The following ERO1A variants were observed in gnomAD, a reference collection of about 807,000 sequenced individuals.
The protein encoded by ERO1A is ERO1-like protein alpha.
ERO1A carries 49 observed loss-of-function variants against 76.9 expected under a neutral mutation model. That is an observed-to-expected ratio of 0.64 (90% CI 0.51 to 0.81). ERO1A has a LOEUF of 0.81. Ranked by LOEUF, ERO1A falls within the 30% of genes least tolerant of loss-of-function variation. The pLI, the probability that ERO1A is intolerant of heterozygous loss-of-function variation, is 0.00. For synonymous variants in ERO1A, 174 were observed against 181.2 expected (o/e 0.96, Z 0.32); for missense variants, 448 against 542.1 (o/e 0.83, Z 1.72).
intron 1 of ERO1A, among the ~76,000 whole-genome samples, chr14:52,690,472 G>A (rs1276047562): frequency 1.3e-5 from 2 of 152,182 alleles, no homozygotes; most frequent in African/African-American, 4.8e-5. Context: ...CGGGCACAGT[G>A]GCTCATGTCT....
At chr14:52,650,936 G>A (rs927567640) in intron 13 of ERO1A, among the ~76,000 whole-genome samples, 2 of 152,176 alleles carry the variant, frequency 1.3e-5, no homozygotes, top group Non-Finnish European at 2.9e-5. Flanking sequence ...TTCCCCAGCT[G>A]CACGCTGGTA....
At chr14:52,666,803 C>A (rs577900579) in intron 6 of ERO1A, among the ~76,000 whole-genome samples, 1 of 152,122 alleles carries the variant, frequency 6.6e-6, no homozygotes, top group Non-Finnish European at 1.5e-5. Flanking sequence ...TGGTGGTGCA[C>A]GCCTGTAGTC....
intron 13 of ERO1A, among the ~76,000 whole-genome samples, chr14:52,650,631 G>C (rs1262889086): frequency 6.6e-6 from 1 of 152,056 alleles, no homozygotes; most frequent in East Asian, 1.9e-4. Context: ...AAACCCAGTA[G>C]TATGGAGGTC....
intron 6 of ERO1A, among the ~76,000 whole-genome samples, chr14:52,666,838 G>T (rs1566640677): frequency 6.6e-6 from 1 of 152,184 alleles, no homozygotes; most frequent in African/African-American, 2.4e-5. Flanking sequence ...GGCTGCAACA[G>T]GAGAATCACT....
intron 11 of ERO1A, among the ~76,000 whole-genome samples, chr14:52,655,864 T>C (rs887105342): frequency 6.6e-6 from 1 of 152,182 alleles, no homozygotes; most frequent in African/African-American, 2.4e-5. Context: ...GCCCTTTCAG[T>C]GGCTTTCATA....
rs1201132804 is a variant in ERO1A at position 52,671,630 on chromosome 14, C to T, written c.508G>A (p.Asp170Asn). ...DSSDNFCEAD[D>N]IQSPEAEYVD... The stretch of plus-strand genomic sequence containing the variant: ...ATGCATACTATCAAAAATATTATAC[C>T]ATCAGCTTCACAGAAGTTATCTGAA... The change falls in exon 6 of 16, where the codon GAC (aspartate) becomes AAC (asparagine). Residue 170 changes from aspartate to asparagine, a missense_variant and splice_region_variant. Physicochemically the swap from Asp to Asn is conservative, Grantham distance 23. Transcript: ENST00000395686. 6.3e-7 allele frequency: 1 copy of T among 1,597,042 alleles called. No individual in the cohort carries two copies. Among genetic ancestry groups the T allele is most frequent in the South Asian group, 1.1e-5 (1 of 88,222 alleles).
chr14:52,644,325 G>A (rs1455616319), intron 15 of ERO1A, among the ~76,000 whole-genome samples: 1 of 152,102 alleles, frequency 6.6e-6, no homozygotes, highest in Admixed American at 6.6e-5. Context: ...ATGGTGGCGT[G>A]TGCCTGTATC....
intron 6 of ERO1A, 152 bp from the exon 7 acceptor site, chr14:52,666,647 G>A: frequency 2.7e-6 from 2 of 734,828 alleles, no homozygotes; most frequent in South Asian, 2.0e-5. Context: ...ACAAAGGAAG[G>A]AGGCCGGGTG....
intron 3 of ERO1A, among the ~76,000 whole-genome samples, chr14:52,680,082 C>CAAAAAAAAAA (rs35358193): frequency 1.1e-5 from 1 of 90,918 alleles, no homozygotes; most frequent in Admixed American, 1.3e-4. Flanking sequence ...AAAACACAAA[C>CAAAAAAAAAA]AAAAAAAAAA....
intron 1 of ERO1A, among the ~76,000 whole-genome samples, chr14:52,692,533 G>A (rs2041387221): frequency 6.6e-6 from 1 of 152,178 alleles, no homozygotes; most frequent in Non-Finnish European, 1.5e-5. Flanking sequence ...ATTGTAAACA[G>A]AACCAGAGAA....
chr14:52,641,895 A>C lies in ERO1A; in HGVS notation c.*1675T>G, dbSNP rs892348396. On this transcript the variant is annotated 3_prime_UTR_variant, in exon 16 of 16. Coordinates refer to ENST00000395686, the MANE Select transcript of ERO1A (RefSeq NM_014584.3). ...GAATACATATGCATACATTCATCCA[A>C]CAAATATTTATTGGATACCAAGTAT... The C allele has an allele frequency of 6.6e-6, 1 of 152,220 alleles. No homozygotes were observed. The highest frequency in any genetic ancestry group is 1.5e-5 in the Non-Finnish European group (1 of 68,042). 9.4% of individuals were successfully genotyped at this position (152,220 alleles called of 1,614,324 possible).
intron 9 of ERO1A, among the ~76,000 whole-genome samples, chr14:52,659,746 G>C (rs12437074): frequency 6.6e-6 from 1 of 151,394 alleles, no homozygotes; most frequent in South Asian, 2.1e-4. Context: ...TAGGGAGTTA[G>C]GGGATAATAC....
chr14:52,664,574 T>G (rs1184551688), intron 7 of ERO1A, among the ~76,000 whole-genome samples: 1 of 152,234 alleles, frequency 6.6e-6, no homozygotes, highest in Non-Finnish European at 1.5e-5. Flanking sequence ...CTTTATACAT[T>G]GTTTATATTG....
At chr14:52,657,779 T>C in intron 11 of ERO1A, 138 bp downstream of exon 11, 1 of 590,846 alleles carries the variant, frequency 1.7e-6, no homozygotes, top group Non-Finnish European at 3.0e-6. Context: ...CCTTTCTGAT[T>C]ACTACCATTT....
At chr14:52,670,111 TGC>T (rs2040547420) in intron 6 of ERO1A, among the ~76,000 whole-genome samples, 1 of 152,108 alleles carries the variant, frequency 6.6e-6, no homozygotes, top group Non-Finnish European at 1.5e-5. Flanking sequence ...GACAGAGTTT[TGC>T]CATGTTGCCC....
chr14:52,642,821 T>C lies in ERO1A; in HGVS notation c.*749A>G, dbSNP rs541983903. 6.5e-6 allele frequency: 1 copy of C among 152,742 alleles called. No homozygotes were observed. Among genetic ancestry groups the C allele is most frequent in the African/African-American group, 2.4e-5 (1 of 41,576 alleles). The allele number at this position is 152,742 out of a possible 1,614,324, so 9.5% of individuals were successfully genotyped here. A position where few individuals can be genotyped will look rare whatever the true frequency, so the allele number is the denominator to read the frequency against. ...AGTGAAAGTATTATGAGAATAAATA[T>C]ATAATCTATTCAACTTTTCACAATG... On this transcript the variant is annotated 3_prime_UTR_variant, in exon 16 of 16. Transcript: ENST00000395686.
rs769033588 is a variant in ERO1A, at chr14:52,671,857, G to C, written c.372C>G (p.Ala124=). ...GTTCACATTCTTCAATGAGATTATT[G>C]GCTTCTTCAGAATACTAAAATGAAA... ...KSASYKYSEE[A]NNLIEECEQA... Residue 124 remains alanine (A), a synonymous_variant, in exon 5 of 16, where the codon GCC becomes GCG. Coordinates refer to ENST00000395686, the MANE Select transcript of ERO1A (RefSeq NM_014584.3). The C allele has an allele frequency of 4.6e-5, 73 of 1,598,054 alleles. No individual in the cohort carries two copies. Among genetic ancestry groups the C allele is most frequent in the Non-Finnish European group, 6.0e-5 (70 of 1,170,630 alleles).
intron 1 of ERO1A, 77 bp from the exon 2 acceptor site, chr14:52,683,984 G>C (rs1354684533): frequency 2.6e-6 from 3 of 1,145,966 alleles, no homozygotes; most frequent in Non-Finnish European, 3.7e-6. Flanking sequence ...ATGGTTGTTA[G>C]GAAACAGCCC....
chr14:52,670,673 G>A (rs530085345), intron 6 of ERO1A, among the ~76,000 whole-genome samples: 7 of 152,234 alleles, frequency 4.6e-5, no homozygotes, highest in African/African-American at 1.7e-4. Flanking sequence ...CCATCATTAA[G>A]GAATATACAT....
Sources: gnomAD v4.1 joint callset for allele counts (sites outside exome capture counted in the v4.1 genomes callset) on GRCh38, gnomAD v4.1.1 for gene constraint, MANE v1.5 for transcripts, NCBI Gene and HGNC (gene_info 2026-07-23, HGNC 2026-07-21) for gene names.